The following OXSR1 variants were observed in gnomAD, a reference collection of about 807,000 sequenced individuals.
The protein encoded by OXSR1 is oxidative stress responsive kinase 1, also known as serine/threonine-protein kinase OSR1.
Under a neutral mutation model 79.8 loss-of-function variants are expected in OXSR1, and 24 were observed. The ratio of observed to expected loss-of-function variants is 0.30; its 90% CI spans 0.22 to 0.42. The LOEUF is 0.42. Among genes scored for constraint, OXSR1 ranks in the 10% least tolerant of loss-of-function variants. The probability of loss-of-function intolerance (pLI) is 1.00; values close to 1 mark genes in which losing one functional copy is unlikely to be tolerated. For synonymous variants in OXSR1, 226 were observed against 209.2 expected, an observed-to-expected ratio of 1.08 and a Z score of -0.69; for missense variants, 430 against 618.4, an observed-to-expected ratio of 0.70 and a Z score of 3.23.
At chr3:38,192,255 C>T (rs1701998157) in intron 3 of OXSR1, among the ~76,000 whole-genome samples, 1 of 152,216 alleles carries the variant, frequency 6.6e-6, no homozygotes. Context: ...GTCCTCTTGA[C>T]GTGAACCCAT....
rs534909137 is a variant in OXSR1 at position 38,235,248 on chromosome 3, T to C, written c.952-1591T>C. Among the ~76,000 whole-genome samples, 4 of 152,304 alleles carry C rather than the reference T, an allele frequency of 2.6e-5. 1 individual carries two copies. The East Asian group carries it at 7.7e-4, about 29-fold the overall frequency. ...GTTCAGTTGTATGGTATATGAATTA[T>C]AAGGGAGCTTTTAGAGAACCAGGAC... On this transcript the variant is annotated intron_variant, in intron 10 of 17. Coordinates refer to ENST00000311806, the MANE Select transcript of OXSR1 (RefSeq NM_005109.3).
Position 38,190,796 on chromosome 3 carries a change from G to C in OXSR1, c.249G>C (p.Val83=). The C allele has an allele frequency of 6.2e-7, 1 of 1,608,598 alleles. No individual in the cohort carries two copies. The highest frequency in any genetic ancestry group is 8.5e-7 in the Non-Finnish European group (1 of 1,175,210). Residue 83 remains valine, a synonymous_variant, in exon 3 of 18, where the codon GTG becomes GTC. Coordinates refer to ENST00000311806, the MANE Select transcript of OXSR1 (RefSeq NM_005109.3). ...PNIVSYYTSF[V]VKDELWLVMK... ...TTGTATCTTACTACACATCTTTTGTGGTAAAAGATGAGCTGTGGCTTGTCA... is the reference window on the plus strand; with the variant it reads ...TTGTATCTTACTACACATCTTTTGTCGTAAAAGATGAGCTGTGGCTTGTCA...
chr3:38,247,813 A>G, intron 14 of OXSR1, 81 bp downstream of exon 14: 2 of 849,258 alleles, frequency 2.4e-6, no homozygotes, highest in East Asian at 2.6e-5. Context: ...CCTGAGAGTA[A>G]CTGGATAGGA....
At position 38,165,888 on chromosome 3, in the gene OXSR1, C is replaced by T. The variant is rs1225194943; in HGVS notation, c.12C>T (p.Asp4=). 1.2e-6 allele frequency: 2 copies of T among 1,611,230 alleles called. No individual in the cohort carries two copies. The highest frequency in any genetic ancestry group is 1.7e-6 in the Non-Finnish European group (2 of 1,179,406). The change falls in exon 1 of 18, where the codon GAC becomes GAT. Residue 4 remains aspartate (D), a synonymous_variant. Coordinates refer to ENST00000311806, the MANE Select transcript of OXSR1 (RefSeq NM_005109.3). MSE[D]SSALPWSINR... ...CCGCTGCCGCCGTCATGTCCGAGGA[C>T]TCGAGCGCCCTGCCCTGGTCCATCA...
chr3:38,193,780 A>G (rs1702026552), intron 3 of OXSR1, among the ~76,000 whole-genome samples: 1 of 152,086 alleles, frequency 6.6e-6, no homozygotes, highest in South Asian at 2.1e-4. Flanking sequence ...CTAGCCTAGC[A>G]CTCAGCAGAT....
chr3:38,184,874 A>G (rs1346629074), intron 2 of OXSR1, among the ~76,000 whole-genome samples: 1 of 101,482 alleles, frequency 9.9e-6, no homozygotes, highest in Non-Finnish European at 2.1e-5. Context: ...AATGATTATA[A>G]TCTTAGTTCA....
At chr3:38,186,134 T>C (rs369761784) in intron 2 of OXSR1, among the ~76,000 whole-genome samples, 1 of 151,692 alleles carries the variant, frequency 6.6e-6, no homozygotes, top group East Asian at 1.9e-4. Flanking sequence ...GAAAGAATAG[T>C]AGACAGCCTA....
chr3:38,193,906 T>A (rs1253533922), intron 3 of OXSR1, among the ~76,000 whole-genome samples: 1 of 152,184 alleles, frequency 6.6e-6, no homozygotes. Context: ...TATTAAAAAT[T>A]TTGCATTTTT....
Position 38,221,501 on chromosome 3 carries a change from A to G in OXSR1, c.491-77A>G, listed in dbSNP as rs573178637. 96 of 775,556 alleles carry G rather than the reference A, an allele frequency of 1.2e-4. No homozygotes were observed. The African/African-American group carries it at 1.4e-3, about 11-fold the overall frequency. The allele number at this position is 775,556 out of a possible 1,614,324, so 48.0% of individuals were successfully genotyped here. A position where few individuals can be genotyped will look rare whatever the true frequency, so the allele number is the denominator to read the frequency against. On this transcript the variant is annotated intron_variant, in intron 5 of 17. Transcript: ENST00000311806. ...CTTTTTATTTATATATAGGATGTTC[A>G]CTACATTGTATTGTTTTCCTATTCA... is the stretch of plus-strand genomic sequence containing the variant.
At chr3:38,226,941 T>A (rs1482332044) in intron 8 of OXSR1, among the ~76,000 whole-genome samples, 1 of 152,094 alleles carries the variant, frequency 6.6e-6, no homozygotes, top group African/African-American at 2.4e-5. Context: ...AGTTGATTTC[T>A]TTATTATTAT....
chr3:38,219,779 A>AGATGATGATGAT (rs3058799), intron 5 of OXSR1, among the ~76,000 whole-genome samples: 76 of 148,358 alleles, frequency 5.1e-4, no homozygotes, highest in South Asian at 6.5e-4. Context: ...AAAACTGTTA[A>AGATGATGATGAT]GATGATGATG....
chr3:38,252,238 T>C, intron 16 of OXSR1, 90 bp from the exon 17 acceptor site: 1 of 887,052 alleles, frequency 1.1e-6, no homozygotes, highest in Non-Finnish European at 1.9e-6. Context: ...CGGAGCATAT[T>C]CTTAACTACC....
At chr3:38,252,662 T>C (rs1319929472) in intron 17 of OXSR1, among the ~76,000 whole-genome samples, 155 bp from the exon 18 acceptor site, 1 of 152,110 alleles carries the variant, frequency 6.6e-6, no homozygotes, top group Non-Finnish European at 1.5e-5. Context: ...CCAGCCCCCC[T>C]CTTTTCTGGA....
intron 17 of OXSR1, 81 bp from the exon 18 acceptor site, chr3:38,252,736 C>T: frequency 9.0e-7 from 1 of 1,108,914 alleles, no homozygotes; most frequent in Non-Finnish European, 1.4e-6. Context: ...CCTACCTTCC[C>T]ACTATCCCAT....
chr3:38,239,292 T>C (rs1304544315), intron 11 of OXSR1, among the ~76,000 whole-genome samples: 2 of 152,198 alleles, frequency 1.3e-5, no homozygotes, highest in African/African-American at 4.8e-5. Context: ...CCTCTCCACA[T>C]CTAGTAATCT....
At chr3:38,252,274 A>C in intron 16 of OXSR1, 54 bp from the exon 17 acceptor site, 1 of 1,214,018 alleles carries the variant, frequency 8.2e-7, no homozygotes, top group Non-Finnish European at 1.2e-6. Flanking sequence ...ATATGGTTGA[A>C]AGTGGATTTA....
At position 38,165,611 on chromosome 3, in the gene OXSR1, G is replaced by C. The variant is rs1559495078; in HGVS notation, c.-266G>C. ...AGGCAAAGCTTCTGTCGCTGCTGCTGCGGAGGCCGAGGACAGGACGTGGGC... is the reference window on the plus strand; with the variant it reads ...AGGCAAAGCTTCTGTCGCTGCTGCTCCGGAGGCCGAGGACAGGACGTGGGC... On this transcript the variant is annotated 5_prime_UTR_variant, in exon 1 of 18. Transcript: ENST00000311806. The C allele has an allele frequency of 4.4e-6, 2 of 456,418 alleles. No individual in the cohort carries two copies. Among genetic ancestry groups the C allele is most frequent in the East Asian group, 7.6e-5 (2 of 26,244 alleles). 28.3% of individuals were successfully genotyped at this position (456,418 alleles called of 1,614,324 possible). A position where few individuals can be genotyped will look rare whatever the true frequency, so the allele number is the denominator to read the frequency against.
At position 38,246,160 on chromosome 3, in the gene OXSR1, T is replaced by C; in HGVS notation, c.1196T>C (p.Ile399Thr). ...CATCTACCTCAGCCAGCTGGGCAGA[T>C]TGCTACACAGCCAACTCAAGTCTCT... is the stretch of plus-strand genomic sequence containing the variant. ...SAHLPQPAGQ[I>T]ATQPTQVSLP... Residue 399 changes from isoleucine (I) to threonine (T), a missense_variant, in exon 13 of 18, where the codon ATT (isoleucine) becomes ACT (threonine). Transcript: ENST00000311806. 6.2e-7 allele frequency: 1 copy of C among 1,613,756 alleles called. No individual in the cohort carries two copies. Among genetic ancestry groups the C allele is most frequent in the South Asian group, 1.1e-5 (1 of 91,070 alleles).
intron 4 of OXSR1, among the ~76,000 whole-genome samples, chr3:38,207,886 C>G (rs1385399584): frequency 8.2e-6 from 1 of 121,368 alleles, no homozygotes; most frequent in Non-Finnish European, 1.7e-5. Flanking sequence ...CTCCCCACCC[C>G]CGTCCTTCCT....
Sources: gnomAD v4.1 joint callset for allele counts (sites outside exome capture counted in the v4.1 genomes callset) on GRCh38, gnomAD v4.1.1 for gene constraint, MANE v1.5 for transcripts, NCBI Gene and HGNC (gene_info 2026-07-23, HGNC 2026-07-21) for gene names.